FMO3: variants seen among roughly 807,000 people sequenced by gnomAD.
FMO3 encodes flavin-containing monooxygenase 3.
A neutral mutation model predicts 39.4 loss-of-function variants in FMO3; 40 were observed. The ratio of observed to expected loss-of-function variants is 1.02; its 90% CI spans 0.79 to 1.32. The LOEUF (loss-of-function observed/expected upper bound fraction) is 1.32, where lower values mean the gene tolerates loss of function less well. FMO3 is among the 40% of genes most tolerant of loss of function. The pLI is 0.00. For missense variants in FMO3, 680 were observed against 651.8 expected, an observed-to-expected ratio of 1.04 and a Z score of -0.47; for synonymous variants, 219 against 228.8, an observed-to-expected ratio of 0.96 and a Z score of 0.39.
Position 171,107,799 on chromosome 1 carries a change from A to T in FMO3, c.446A>T (p.His149Leu). The T allele has an allele frequency of 6.2e-7, 1 of 1,614,018 alleles. No individual in the cohort carries two copies. ...GATGCTGTAATGGTTTGTTCCGGAC[A>T]TCATGTGTATCCCAACCTACCAAAA... ...VFDAVMVCSG[H>L]HVYPNLPKES... is the part of the protein sequence containing the mutation. Residue 149 changes from histidine (H) to leucine (L), a missense_variant, in exon 4 of 9, where the codon CAT becomes CTT. Physicochemically the swap from His to Leu is moderately conservative, Grantham distance 99. Coordinates refer to ENST00000367755, the MANE Select transcript of FMO3 (RefSeq NM_001002294.3).
chr1:171,109,321 T>C (rs1388497873), intron 5 of FMO3, among the ~76,000 whole-genome samples: 1 of 152,110 alleles, frequency 6.6e-6, no homozygotes, highest in Non-Finnish European at 1.5e-5. Flanking sequence ...TATCACATAT[T>C]TTAAGGACTT....
intron 7 of FMO3, 107 bp from the exon 8 acceptor site, chr1:171,116,101 T>G: frequency 1.4e-6 from 1 of 736,406 alleles, no homozygotes; most frequent in South Asian, 1.5e-5. Flanking sequence ...TGTCTGAAAA[T>G]GAACACCAAT....
At chr1:171,108,345 T>G in intron 5 of FMO3, 124 bp downstream of exon 5, 1 of 1,179,524 alleles carries the variant, frequency 8.5e-7, no homozygotes, top group Non-Finnish European at 1.2e-6. Context: ...TAAGTGGTAT[T>G]TCACATAGCT....
At chr1:171,096,748 AT>A (rs1323233541) in intron 2 of FMO3, among the ~76,000 whole-genome samples, 1 of 138,450 alleles carries the variant, frequency 7.2e-6, no homozygotes, top group Non-Finnish European at 1.5e-5. Flanking sequence ...AATTAATATA[AT>A]TATATTAAAA....
intron 6 of FMO3, among the ~76,000 whole-genome samples, chr1:171,111,961 A>G (rs907968276): frequency 6.6e-6 from 1 of 152,194 alleles, no homozygotes; most frequent in Non-Finnish European, 1.5e-5. Flanking sequence ...TGCTGTCAGG[A>G]CAATTTCCAA....
In FMO3 at chr1:171,110,916, C is replaced by A; in HGVS notation, c.746C>A (p.Thr249Lys). 1 of 1,613,984 alleles carries A rather than the reference C, an allele frequency of 6.2e-7. No individual in the cohort carries two copies. The highest frequency in any genetic ancestry group is 8.5e-7 in the Non-Finnish European group (1 of 1,179,906). The change falls in exon 6 of 9, where the codon ACA (threonine) becomes AAA (lysine). Residue 249 changes from threonine to lysine, a missense_variant. Transcript: ENST00000367755. ...FGTFLKNNLP[T>K]AISDWLYVKQ... ...ACCTTCCTCAAGAACAATTTACCGA[C>A]AGCCATCTCTGACTGGTTGTACGTG...
intron 6 of FMO3, among the ~76,000 whole-genome samples, chr1:171,112,550 G>A (rs189244651): frequency 1.3e-5 from 2 of 152,140 alleles, no homozygotes; most frequent in African/African-American, 4.8e-5. Flanking sequence ...CAAGGAGGGA[G>A]TAAGAATGTC....
Position 171,116,239 on chromosome 1 carries a change from G to T in FMO3, c.1215G>T (p.Met405Ile). 1.2e-6 allele frequency: 2 copies of T among 1,605,784 alleles called. No individual in the cohort carries two copies. The highest frequency in any genetic ancestry group is 1.1e-5 in the South Asian group (1 of 90,890). Reference sequence around the variant, plus strand: ...GTACTTTGCCTTCTATGGAAGACATGATGAATGATATTAATGAGAAAATGG... The same window carrying T: ...GTACTTTGCCTTCTATGGAAGACATTATGAATGATATTAATGAGAAAATGG... ...GTCTLPSMEDMMNDINEKMEK... is the reference protein window; with the variant it reads ...GTCTLPSMEDIMNDINEKMEK... The change falls in exon 8 of 9, where the codon ATG becomes ATT. Residue 405 changes from methionine (M) to isoleucine (I), a missense_variant. Met to Ile is a conservative substitution (Grantham distance 10, BLOSUM62 1). Coordinates refer to ENST00000367755, the MANE Select transcript of FMO3 (RefSeq NM_001002294.3).
chr1:171,096,284 T>TTA (rs1491395481), intron 2 of FMO3, among the ~76,000 whole-genome samples: 39 of 63,262 alleles, frequency 6.2e-4, no homozygotes, highest in South Asian at 3.3e-3. Context: ...ATTATATATA[T>TTA]TATATATCTA....
rs771050864 is a variant in FMO3, at chr1:171,094,214, G to A, written c.132+1424G>A. On this transcript the variant is annotated intron_variant, in intron 2 of 8. Coordinates refer to ENST00000367755, the MANE Select transcript of FMO3 (RefSeq NM_001002294.3). Reference sequence around the variant, plus strand: ...TAATTTGCATTTTCTCTGGTAATTCGTGATGTTAAGCATTTTCCCATATGT... The same window carrying A: ...TAATTTGCATTTTCTCTGGTAATTCATGATGTTAAGCATTTTCCCATATGT... Among the ~76,000 whole-genome samples the A allele has an allele frequency of 6.6e-5, 10 of 151,966 alleles. No individual in the cohort carries two copies. In the East Asian group the frequency reaches 1.2e-3, roughly 18 times the overall value.
Position 171,096,012 on chromosome 1 carries a change from C to CATATATATTAATATATAATAT in FMO3, c.132+3226_132+3227insATATTAATATATAATATATAT, listed in dbSNP as rs1557932879. On this transcript the variant is annotated intron_variant, in intron 2 of 8. Coordinates refer to ENST00000367755, the MANE Select transcript of FMO3 (RefSeq NM_001002294.3). ...TTATATATTTTTATATATTAATATA[C>CATATATATTAATATATAATAT]ATATTATATATTAATATATAATATA... Among the ~76,000 whole-genome samples, 4 of 28,768 alleles carry CATATATATTAATATATAATAT rather than the reference C, an allele frequency of 1.4e-4. 1 individual carries two copies. The highest frequency in any genetic ancestry group is 2.5e-4 in the Non-Finnish European group (4 of 16,082). 18.9% of individuals were successfully genotyped at this position (28,768 alleles called of 152,430 possible).
chr1:171,101,533 T>C, intron 2 of FMO3, among the ~76,000 whole-genome samples: 1 of 152,214 alleles, frequency 6.6e-6, no homozygotes, highest in Non-Finnish European at 1.5e-5. Flanking sequence ...CATCATCATT[T>C]TACATTATCT....
intron 2 of FMO3, chr1:171,101,765 G>T (rs369534680): frequency 1.5e-4 from 77 of 515,914 alleles, no homozygotes; most frequent in African/African-American, 1.3e-3. Context: ...CTAATCACAG[G>T]CCACATTTCT....
intron 2 of FMO3, chr1:171,101,037 G>A (rs898867074): frequency 1.0e-4 from 46 of 447,922 alleles, no homozygotes; most frequent in Non-Finnish European, 1.8e-4. Context: ...AACAGAAAGA[G>A]AGAAATTTGA....
At chr1:171,112,238 T>A (rs953053960) in intron 6 of FMO3, among the ~76,000 whole-genome samples, 2 of 152,196 alleles carry the variant, frequency 1.3e-5, no homozygotes, top group African/African-American at 4.8e-5. Context: ...TTGTAAGGAC[T>A]CTGGCTTTTA....
intron 6 of FMO3, among the ~76,000 whole-genome samples, chr1:171,111,747 T>C (rs895400848): frequency 6.6e-6 from 1 of 152,224 alleles, no homozygotes. Context: ...AATTCATTAA[T>C]TTGACAAACA....
intron 5 of FMO3, 85 bp from the exon 6 acceptor site, chr1:171,110,713 A>C: frequency 8.1e-7 from 1 of 1,238,148 alleles, no homozygotes; most frequent in African/African-American, 1.5e-5. Context: ...TAATAGATCC[A>C]TTCCTCAAGA....
chr1:171,117,087 C>G lies in FMO3; in HGVS notation c.1257-13C>G. 1.2e-6 allele frequency: 2 copies of G among 1,603,842 alleles called. No homozygotes were observed. The highest frequency in any genetic ancestry group is 1.7e-6 in the Non-Finnish European group (2 of 1,170,680). On this transcript the variant is annotated splice_polypyrimidine_tract_variant and intron_variant, in intron 8 of 8. Transcript: ENST00000367755. ...TTGGGTATCCACAGTGGTGTTTTCT[C>G]TCCCATCTCCAGGTTTGGCAAAAGC...
rs886153990 is a variant in FMO3 at position 171,110,937 on chromosome 1, A to T, written c.767A>T (p.Tyr256Phe). The change falls in exon 6 of 9, where the codon TAC becomes TTC. Residue 256 changes from tyrosine to phenylalanine, a missense_variant. Tyr to Phe is a conservative substitution (Grantham distance 22). Coordinates refer to ENST00000367755, the MANE Select transcript of FMO3 (RefSeq NM_001002294.3). Reference sequence around the variant, plus strand: ...CCGACAGCCATCTCTGACTGGTTGTACGTGAAGCAGATGAATGCAAGATTC... The same window carrying T: ...CCGACAGCCATCTCTGACTGGTTGTTCGTGAAGCAGATGAATGCAAGATTC... ...NLPTAISDWL[Y>F]VKQMNARFKH... The T allele has an allele frequency of 2.5e-6, 4 of 1,613,862 alleles. No individual in the cohort carries two copies. Among genetic ancestry groups the T allele is most frequent in the African/African-American group, 1.3e-5 (1 of 74,918 alleles).
Sources: gnomAD v4.1 joint callset for allele counts (sites outside exome capture counted in the v4.1 genomes callset) on GRCh38, gnomAD v4.1.1 for gene constraint, MANE v1.5 for transcripts, NCBI Gene and HGNC (gene_info 2026-07-23, HGNC 2026-07-21) for gene names.